IQSEC1: variants seen among roughly 807,000 people sequenced by gnomAD.
IQSEC1 encodes the protein IQ motif and Sec7 domain ArfGEF 1.
IQSEC1 carries 31 observed loss-of-function variants against 91.0 expected under a neutral mutation model. The ratio of observed to expected loss-of-function variants is 0.34; its 90% CI spans 0.26 to 0.46. The LOEUF is 0.46. IQSEC1 is among the 20% of genes least tolerant of loss of function. IQSEC1 has a pLI of 1.00. For missense variants in IQSEC1, 1,388 were observed against 1,575.6 expected, an observed-to-expected ratio of 0.88 and a Z score of 2.02; for synonymous variants, 699 against 662.6, an observed-to-expected ratio of 1.05 and a Z score of -0.84.
At chr3:13,086,636 G>A (rs1470601445) in intron 2 of IQSEC1, among the ~76,000 whole-genome samples, 1 of 152,136 alleles carries the variant, frequency 6.6e-6, no homozygotes, top group Admixed American at 6.5e-5. Context: ...CTGCCACCCC[G>A]CACCTGCCTG....
chr3:13,133,121 A>G (rs1706648594), intron 2 of IQSEC1, among the ~76,000 whole-genome samples: 1 of 152,240 alleles, frequency 6.6e-6, no homozygotes, highest in African/African-American at 2.4e-5. Context: ...AGGAAAGGCT[A>G]GAGGGGCCAT....
At chr3:12,980,472 T>C (rs374680912) in intron 1 of IQSEC1, among the ~76,000 whole-genome samples, 1 of 152,242 alleles carries the variant, frequency 6.6e-6, no homozygotes. Context: ...GCAATTTCCA[T>C]AAATAACTGT....
chr3:13,087,976 C>T (rs975597272), intron 2 of IQSEC1, among the ~76,000 whole-genome samples: 4 of 152,184 alleles, frequency 2.6e-5, no homozygotes, highest in Non-Finnish European at 4.4e-5. Context: ...CAACCCTCAC[C>T]GCTGCTGCCC....
rs116277441 is a variant in IQSEC1, at chr3:13,066,747, G to T, written c.23+6245C>A. Among the ~76,000 whole-genome samples the T allele has an allele frequency of 9.9e-3, 1,513 of 152,310 alleles. 13 individuals carry two copies. Among genetic ancestry groups the T allele is most frequent in the Non-Finnish European group, 0.013 (913 of 68,028 alleles). On this transcript the variant is annotated intron_variant, in intron 1 of 13. Transcript: ENST00000613206. The stretch of plus-strand genomic sequence containing the variant: ...CTGTATCCAGGAGCCGCTCTGGCAG[G>T]TGCCACCAGGTCTTATTTACTGTGT...
Position 12,947,642 on chromosome 3 carries a change from T to G in IQSEC1, c.24-5777A>C, listed in dbSNP as rs536761029. 1.4e-4 allele frequency among the ~76,000 whole-genome samples: 22 copies of G among 152,290 alleles called. No homozygotes were observed. In the South Asian group the frequency reaches 4.4e-3, roughly 30 times the overall value. On this transcript the variant is annotated intron_variant, in intron 1 of 13. Transcript: ENST00000613206. The stretch of plus-strand genomic sequence containing the variant: ...TCCTTCCCATGAGATGAGTTCTGTA[T>G]GTCCTGGATGGGCCCCTGGTGGTGG...
chr3:13,135,647 C>T (rs997987395), intron 2 of IQSEC1, among the ~76,000 whole-genome samples: 2 of 152,198 alleles, frequency 1.3e-5, no homozygotes, highest in African/African-American at 2.4e-5. Flanking sequence ...GGCAAGGAGC[C>T]GGAGTGGGTG....
At chr3:12,903,199 A>AG (rs959378286) in intron 12 of IQSEC1, among the ~76,000 whole-genome samples, 6 of 152,032 alleles carry the variant, frequency 3.9e-5, no homozygotes, top group African/African-American at 1.5e-4. Flanking sequence ...GTGAATGGGG[A>AG]GGGGTGAGGG....
At chr3:12,982,937 G>T (rs1490407160) in intron 1 of IQSEC1, among the ~76,000 whole-genome samples, 1 of 152,228 alleles carries the variant, frequency 6.6e-6, no homozygotes, top group Non-Finnish European at 1.5e-5. Flanking sequence ...GGCAAGGTGC[G>T]GGCCCAGGTA....
intron 1 of IQSEC1, among the ~76,000 whole-genome samples, chr3:13,241,622 C>A (rs1267594372): frequency 1.3e-5 from 2 of 152,246 alleles, no homozygotes; most frequent in Admixed American, 6.5e-5. Flanking sequence ...TCCCGAATGT[C>A]CCCACCGTTC....
intron 1 of IQSEC1, among the ~76,000 whole-genome samples, chr3:13,234,779 C>T (rs1468584212): frequency 6.6e-6 from 1 of 152,196 alleles, no homozygotes; most frequent in Non-Finnish European, 1.5e-5. Context: ...TATTAGTGTT[C>T]CTTAATTCTT....
chr3:13,032,018 C>G (rs1248101939), intron 1 of IQSEC1, among the ~76,000 whole-genome samples: 1 of 152,154 alleles, frequency 6.6e-6, no homozygotes, highest in African/African-American at 2.4e-5. Flanking sequence ...CCTGTATAGC[C>G]TTCACCCAGG....
intron 1 of IQSEC1, among the ~76,000 whole-genome samples, chr3:13,179,809 G>A (rs1693804803): frequency 2.6e-5 from 4 of 152,266 alleles, no homozygotes. Flanking sequence ...GCCAGCGCGA[G>A]TTCCGGGTGG....
rs561314162 is a variant in IQSEC1, at chr3:12,912,670, CAAAAAAAAAAAAAAAA to C, written c.2316+742_2316+757del. 8.7e-4 allele frequency among the ~76,000 whole-genome samples: 47 copies of C among 54,030 alleles called. No individual in the cohort carries two copies. The East Asian group carries it at 0.014, about 16-fold the overall frequency. 35.4% of individuals were successfully genotyped at this position (54,030 alleles called of 152,430 possible). On this transcript the variant is annotated intron_variant, in intron 9 of 13. Transcript: ENST00000613206. ...TGGGCGACAGAGCGAGACTCCGTCT[CAAAAAAAAAAAAAAAA>C]AAAAAAAAAAGAACATGGGCATCTT... is the stretch of plus-strand genomic sequence containing the variant.
At chr3:13,205,618 C>T (rs1323959058) in intron 1 of IQSEC1, among the ~76,000 whole-genome samples, 1 of 150,974 alleles carries the variant, frequency 6.6e-6, no homozygotes, top group East Asian at 2.0e-4. Context: ...TTCCTGCCCT[C>T]CACCCATACA....
At chr3:13,200,624 T>C (rs957291897) in intron 1 of IQSEC1, among the ~76,000 whole-genome samples, 2 of 152,220 alleles carry the variant, frequency 1.3e-5, no homozygotes, top group African/African-American at 4.8e-5. Flanking sequence ...GACAGGCAGC[T>C]GAAAGGCCAA....
intron 1 of IQSEC1, among the ~76,000 whole-genome samples, chr3:13,062,838 A>T (rs1705113235): frequency 6.6e-6 from 1 of 152,184 alleles, no homozygotes; most frequent in African/African-American, 2.4e-5. Flanking sequence ...CATGCCAAGC[A>T]GATGTCAGGG....
chr3:12,936,370 T>A lies in IQSEC1; in HGVS notation c.646A>T (p.Ser216Cys), dbSNP rs1212908009. Residue 216 changes from serine to cysteine, a missense_variant, in exon 3 of 14, where the codon AGT becomes TGT. By Grantham distance (112) the Ser-to-Cys change is moderately radical. This residue lies in a region of IQSEC1 where 1,059 missense variants were observed against 1,317.8 expected (regional missense o/e 0.80). Coordinates refer to ENST00000613206, the MANE Select transcript of IQSEC1 (RefSeq NM_001134382.3). The part of the protein sequence containing the change: ...PTTLKSPAPS[S>C]DFADAITELE... ...TCGGTGATGGCGTCCGCAAAGTCAC[T>A]GGAGGGGGCCGGAGACTTGAGGGTG... 1 of 1,600,750 alleles carries A rather than the reference T, an allele frequency of 6.2e-7. No homozygotes were observed. Among genetic ancestry groups the A allele is most frequent in the Admixed American group, 1.7e-5 (1 of 59,534 alleles).
rs1206615981 is a variant in IQSEC1 at position 12,967,874 on chromosome 3, C to CGGAAGAAGCACAGGGGGCGGG, written c.24-26030_24-26010dup. Among the ~76,000 whole-genome samples, 1 of 110,960 alleles carries CGGAAGAAGCACAGGGGGCGGG rather than the reference C, an allele frequency of 9.0e-6. No homozygotes were observed. Among genetic ancestry groups the CGGAAGAAGCACAGGGGGCGGG allele is most frequent in the African/African-American group, 3.5e-5 (1 of 28,540 alleles). The allele number at this position is 110,960 out of a possible 152,430, so 72.8% of individuals were successfully genotyped here. A position where few individuals can be genotyped will look rare whatever the true frequency, so the allele number is the denominator to read the frequency against. ...CAGGAGGCGTGGCCACACGGCGCCGCGGAAGAAGCACAGGGGGCGGGGGGT... is the reference window on the plus strand; with the variant it reads ...CAGGAGGCGTGGCCACACGGCGCCGCGGAAGAAGCACAGGGGGCGGGGGAAGAAGCACAGGGGGCGGGGGGT... On this transcript the variant is annotated intron_variant, in intron 1 of 13. Transcript: ENST00000613206. The surrounding 1 kb of genome is among the most constrained non-coding windows in gnomAD (Gnocchi z 5.9).
rs758458184 is a variant in IQSEC1, at chr3:12,909,376, T to C, written c.2475A>G (p.Leu825=). The change falls in exon 11 of 14, where the codon TTA becomes TTG. Residue 825 remains leucine (L), a synonymous_variant. Transcript: ENST00000613206. This position sits in a 1 kb window ranked among gnomAD's most constrained non-coding sequence, Gnocchi z 4.9. The part of the protein sequence containing the change: ...SSVPGADIKV[L]INFNAPNPQD... ...GAGGGTTGGGGGCGTTGAAGTTTAT[T>C]AACACTTTGATATCTGCTCCGGGGA... The C allele has an allele frequency of 6.2e-7, 1 of 1,614,180 alleles. No homozygotes were observed. The highest frequency in any genetic ancestry group is 8.5e-7 in the Non-Finnish European group (1 of 1,180,024).
Sources: gnomAD v4.1 joint callset for allele counts (sites outside exome capture counted in the v4.1 genomes callset) on GRCh38, gnomAD v4.1.1 for gene constraint, gnomAD v4.1.1 regional missense constraint, Gnocchi (gnomAD v3.1) non-coding constraint, MANE v1.5 for transcripts, NCBI Gene and HGNC (gene_info 2026-07-23, HGNC 2026-07-21) for gene names.